RFX3: variants seen among roughly 807,000 people sequenced by gnomAD.
The protein encoded by RFX3 is transcription factor RFX3.
In RFX3, 14 loss-of-function variants were observed where a neutral mutation model predicts 98.6. That is an observed-to-expected ratio of 0.14 (90% CI 0.09 to 0.22). RFX3 has a LOEUF of 0.22. RFX3 is among the 10% of genes least tolerant of loss of function. The pLI is 1.00. For missense variants in RFX3, 639 were observed against 926.9 expected, an observed-to-expected ratio of 0.69 and a Z score of 4.03; for synonymous variants, 383 against 328.4, an observed-to-expected ratio of 1.17 and a Z score of -1.80.
chr9:3,293,407 A>C, intron 5 of RFX3, 149 bp from the exon 6 acceptor site: 1 of 561,646 alleles, frequency 1.8e-6, no homozygotes, highest in Non-Finnish European at 3.0e-6. Context: ...GAAGGTGGTA[A>C]TCTGCCTTTG....
At chr9:3,387,180 C>T (rs1197488576) in intron 2 of RFX3, among the ~76,000 whole-genome samples, 1 of 152,152 alleles carries the variant, frequency 6.6e-6, no homozygotes, top group Non-Finnish European at 1.5e-5. Flanking sequence ...CAAAGACAAT[C>T]TTCCATCTTT....
chr9:3,467,028 T>TTATATATATATATATATATGTATATACA (rs1848286854), intron 1 of RFX3, among the ~76,000 whole-genome samples: 4 of 98,850 alleles, frequency 4.0e-5, no homozygotes, highest in South Asian at 2.6e-4. Context: ...ATCTAAAGAA[T>TTATATATATATATATATATGTATATACA]TATATATATA....
chr9:3,480,898 G>C (rs1339482686), intron 1 of RFX3, among the ~76,000 whole-genome samples: 2 of 152,060 alleles, frequency 1.3e-5, no homozygotes, highest in African/African-American at 2.4e-5. Flanking sequence ...TGACAGGATG[G>C]TAAGTATAAT....
chr9:3,238,361 T>A (rs898923168), intron 15 of RFX3, among the ~76,000 whole-genome samples: 1 of 152,158 alleles, frequency 6.6e-6, no homozygotes, highest in African/African-American at 2.4e-5. Context: ...CCATTTATGA[T>A]TCAAGCCAGC....
At position 3,498,642 on chromosome 9, in the gene RFX3, G is replaced by A. The variant is rs978976094; in HGVS notation, c.-9+27105C>T. ...TTTTAAGCAGTAGCTGTTTAAATTTGGTACTATTATTGCTATTTTAATACC... is the reference window on the plus strand; with the variant it reads ...TTTTAAGCAGTAGCTGTTTAAATTTAGTACTATTATTGCTATTTTAATACC... On this transcript the variant is annotated intron_variant, in intron 1 of 16. Transcript: ENST00000617270. Among the ~76,000 whole-genome samples, 3 of 152,002 alleles carry A rather than the reference G, an allele frequency of 2.0e-5. No individual in the cohort carries two copies. In the East Asian group the frequency reaches 5.8e-4, roughly 29 times the overall value.
intron 1 of RFX3, among the ~76,000 whole-genome samples, chr9:3,466,135 T>C (rs902862845): frequency 1.3e-5 from 2 of 152,244 alleles, no homozygotes; most frequent in Non-Finnish European, 2.9e-5. Flanking sequence ...TTTGTCTTTT[T>C]ACTCTGTAGC....
At chr9:3,442,692 C>T (rs1027160354) in intron 1 of RFX3, among the ~76,000 whole-genome samples, 1 of 152,164 alleles carries the variant, frequency 6.6e-6, no homozygotes, top group African/African-American at 2.4e-5. Context: ...AACCTCTGTA[C>T]TACCTCTGCA....
intron 2 of RFX3, chr9:3,364,314 A>T (rs1380782801): frequency 1.3e-5 from 2 of 153,430 alleles, no homozygotes; most frequent in Non-Finnish European, 2.9e-5. Flanking sequence ...TACAAAAATA[A>T]TCATGGGATA....
chr9:3,308,915 C>T (rs1370266326), intron 4 of RFX3, among the ~76,000 whole-genome samples: 1 of 152,094 alleles, frequency 6.6e-6, no homozygotes, highest in Non-Finnish European at 1.5e-5. Flanking sequence ...AACTTTGAAT[C>T]CTTGAAAGAC....
intron 1 of RFX3, among the ~76,000 whole-genome samples, chr9:3,409,094 C>T (rs1208941428): frequency 2.6e-5 from 4 of 152,192 alleles, no homozygotes; most frequent in Non-Finnish European, 5.9e-5. Context: ...CTGTTGTAAT[C>T]CAGCACTGTG....
chr9:3,313,798 T>G (rs1830246626), intron 4 of RFX3, among the ~76,000 whole-genome samples: 1 of 151,990 alleles, frequency 6.6e-6, no homozygotes, highest in Non-Finnish European at 1.5e-5. Context: ...ATGAATGAAG[T>G]GAAGCGAGAA....
chr9:3,317,097 C>G (rs1434344179), intron 4 of RFX3, among the ~76,000 whole-genome samples: 3 of 152,188 alleles, frequency 2.0e-5, no homozygotes, highest in African/African-American at 7.2e-5. Context: ...CTGGAGGCAT[C>G]ATGCTACCTG....
chr9:3,242,882 G>A (rs1206925521), intron 15 of RFX3, among the ~76,000 whole-genome samples: 1 of 151,832 alleles, frequency 6.6e-6, no homozygotes, highest in Non-Finnish European at 1.5e-5. Context: ...ATTTGAAAAT[G>A]GCTAAAGAGG....
chr9:3,350,307 A>T (rs761097495), intron 2 of RFX3, among the ~76,000 whole-genome samples: 4 of 152,180 alleles, frequency 2.6e-5, no homozygotes, highest in Non-Finnish European at 5.9e-5. Flanking sequence ...AGGGCCAAAG[A>T]CCTTAATACA....
chr9:3,481,857 G>T, intron 1 of RFX3, among the ~76,000 whole-genome samples: 1 of 147,372 alleles, frequency 6.8e-6, no homozygotes, highest in East Asian at 2.9e-4. Context: ...CTATTCGATT[G>T]CCAAAATAAA....
chr9:3,241,517 CA>C (rs1463413459), intron 15 of RFX3, among the ~76,000 whole-genome samples: 1 of 152,116 alleles, frequency 6.6e-6, no homozygotes, highest in African/African-American at 2.4e-5. Context: ...GCTGAGTCAA[CA>C]GATTCCTTTC....
intron 1 of RFX3, among the ~76,000 whole-genome samples, chr9:3,467,839 G>T (rs879595702): frequency 6.6e-6 from 1 of 152,102 alleles, no homozygotes; most frequent in Non-Finnish European, 1.5e-5. Context: ...ACACAGAGTT[G>T]TCAACAAAAT....
chr9:3,420,538 C>G (rs1232333732), intron 1 of RFX3, among the ~76,000 whole-genome samples: 1 of 152,096 alleles, frequency 6.6e-6, no homozygotes, highest in African/African-American at 2.4e-5. Context: ...CATGAAGAAA[C>G]TGAAAAAGGT....
chr9:3,404,206 A>G (rs772196704), intron 1 of RFX3, among the ~76,000 whole-genome samples: 3 of 152,304 alleles, frequency 2.0e-5, no homozygotes, highest in Admixed American at 6.5e-5. Context: ...AAAAACCTCT[A>G]TATATTCATA....
Sources: allele counts gnomAD v4.1 joint callset (sites outside exome capture counted in the v4.1 genomes callset), GRCh38; gene constraint gnomAD v4.1.1; transcripts MANE v1.5; gene names NCBI Gene and HGNC (gene_info 2026-07-23, HGNC 2026-07-21).